FGGY: variants seen among roughly 807,000 people sequenced by gnomAD.
FGGY encodes the protein FGGY carbohydrate kinase domain containing, also known as FGGY carbohydrate kinase domain-containing protein.
Under a neutral mutation model 71.3 loss-of-function variants are expected in FGGY, and 72 were observed. That is an observed-to-expected ratio of 1.01 (90% CI 0.84 to 1.23). The LOEUF is 1.23. Ranked by LOEUF, FGGY falls within the 50% of genes most tolerant of loss-of-function variation. The probability of loss-of-function intolerance (pLI) is 0.00; values close to 1 mark genes in which losing one functional copy is unlikely to be tolerated. For synonymous variants in FGGY, 251 were observed against 250.3 expected (o/e 1.00, Z -0.02); for missense variants, 668 against 682.3 (o/e 0.98, Z 0.23).
intron 2 of FGGY, among the ~76,000 whole-genome samples, chr1:59,328,918 G>A (rs937724730): frequency 2.0e-5 from 3 of 151,898 alleles, no homozygotes; most frequent in Non-Finnish European, 4.4e-5. Context: ...AGTTTGTGGT[G>A]CCCCAAAACA....
intron 14 of FGGY, among the ~76,000 whole-genome samples, chr1:59,716,622 C>G (rs905935795): frequency 2.0e-5 from 3 of 152,120 alleles, no homozygotes; most frequent in Non-Finnish European, 4.4e-5. Flanking sequence ...ATTAGGGAGA[C>G]AAAACCAAAA....
intron 14 of FGGY, among the ~76,000 whole-genome samples, chr1:59,677,061 A>C (rs184412809): frequency 1.2e-4 from 18 of 152,336 alleles, no homozygotes; most frequent in Admixed American, 7.2e-4. Flanking sequence ...CAATATCATT[A>C]GAATGATAAA....
intron 6 of FGGY, among the ~76,000 whole-genome samples, chr1:59,508,692 C>T (rs1202735127): frequency 1.3e-5 from 2 of 152,164 alleles, no homozygotes; most frequent in Non-Finnish European, 2.9e-5. Context: ...AAACAAAGCT[C>T]CTTCCTGCTT....
intron 14 of FGGY, among the ~76,000 whole-genome samples, chr1:59,718,055 TCTTA>T (rs745517429): frequency 2.0e-5 from 3 of 152,278 alleles, no homozygotes; most frequent in Non-Finnish European, 2.9e-5. Flanking sequence ...GAGTCCATGC[TCTTA>T]CTTACTGTCA....
At chr1:59,740,047 A>G (rs2101227395) in intron 14 of FGGY, among the ~76,000 whole-genome samples, 1 of 152,258 alleles carries the variant, frequency 6.6e-6, no homozygotes, top group East Asian at 1.9e-4. Flanking sequence ...CCCTTTCCCT[A>G]CAATTTTGTG....
intron 7 of FGGY, among the ~76,000 whole-genome samples, chr1:59,524,695 T>A (rs2153654266): frequency 6.6e-6 from 1 of 152,272 alleles, no homozygotes; most frequent in East Asian, 1.9e-4. Flanking sequence ...TCCTCTCCAC[T>A]GAGAGCTGGA....
At chr1:59,486,057 A>G (rs1453931623) in intron 6 of FGGY, among the ~76,000 whole-genome samples, 2 of 152,212 alleles carry the variant, frequency 1.3e-5, no homozygotes, top group Non-Finnish European at 2.9e-5. Flanking sequence ...CACATCACTT[A>G]GAGCCCCTGT....
intron 14 of FGGY, among the ~76,000 whole-genome samples, chr1:59,721,912 C>G (rs1324294123): frequency 6.6e-6 from 1 of 152,186 alleles, no homozygotes; most frequent in Non-Finnish European, 1.5e-5. Context: ...CAGCAATATC[C>G]AATAGTGTTT....
At position 59,696,725 on chromosome 1, in the gene FGGY, C is replaced by T. The variant is rs188084593; in HGVS notation, c.1512+22592C>T. Among the ~76,000 whole-genome samples the T allele has an allele frequency of 2.9e-3, 442 of 152,262 alleles. 8 individuals carry two copies. The highest frequency in any genetic ancestry group is 1.4e-3 in the Non-Finnish European group (94 of 68,028). On this transcript the variant is annotated intron_variant, in intron 14 of 15. Transcript: ENST00000303721. ...GCAAGTGCAGGTATTTCTGAAATGACGAGTGGCTCGCAAAAAGGATCTGAT... is the reference window on the plus strand; with the variant it reads ...GCAAGTGCAGGTATTTCTGAAATGATGAGTGGCTCGCAAAAAGGATCTGAT...
chr1:59,755,481 A>G (rs935474714), intron 14 of FGGY: 1 of 152,364 alleles, frequency 6.6e-6, no homozygotes, highest in Middle Eastern at 3.4e-3. Context: ...GTTGGAGCAC[A>G]TAACTCAATA....
intron 14 of FGGY, among the ~76,000 whole-genome samples, chr1:59,704,861 A>G (rs778065503): frequency 3.9e-5 from 6 of 152,338 alleles, no homozygotes; most frequent in East Asian, 1.9e-4. Flanking sequence ...TGTGGCCAAA[A>G]TGTCCTCCAA....
chr1:59,463,009 G>T (rs555710076), intron 6 of FGGY, among the ~76,000 whole-genome samples: 3 of 152,056 alleles, frequency 2.0e-5, no homozygotes, highest in African/African-American at 7.3e-5. Context: ...ACATGCACAC[G>T]TATGTTTATT....
chr1:59,561,115 C>A (rs1420325569), intron 8 of FGGY, among the ~76,000 whole-genome samples: 1 of 152,176 alleles, frequency 6.6e-6, no homozygotes, highest in East Asian at 1.9e-4. Flanking sequence ...GAAGAGTGGG[C>A]AAGTGGGACC....
intron 1 of FGGY, 81 bp from the exon 2 acceptor site, chr1:59,321,455 A>G: frequency 1.5e-6 from 2 of 1,316,434 alleles, no homozygotes; most frequent in South Asian, 1.3e-5. Flanking sequence ...TACCTCTTTT[A>G]TTTCTACTTT....
At chr1:59,340,157 T>A (rs1475526992) in intron 3 of FGGY, 88 bp downstream of exon 3, 1 of 827,806 alleles carries the variant, frequency 1.2e-6, no homozygotes, top group Non-Finnish European at 1.9e-6. Flanking sequence ...GGCAGGCGTC[T>A]CTTGCTGCTG....
At chr1:59,333,366 G>A (rs1413084883) in intron 2 of FGGY, among the ~76,000 whole-genome samples, 1 of 152,198 alleles carries the variant, frequency 6.6e-6, no homozygotes, top group Non-Finnish European at 1.5e-5. Flanking sequence ...CAACTAATTT[G>A]CTCTAATATA....
At chr1:59,305,541 C>T (rs970761827) in intron 1 of FGGY, among the ~76,000 whole-genome samples, 1 of 152,118 alleles carries the variant, frequency 6.6e-6, no homozygotes, top group African/African-American at 2.4e-5. Context: ...CCTTGTCTAG[C>T]TTTAGTTTAA....
At chr1:59,305,344 A>C (rs902048358) in intron 1 of FGGY, among the ~76,000 whole-genome samples, 1 of 152,116 alleles carries the variant, frequency 6.6e-6, no homozygotes, top group Admixed American at 6.5e-5. Flanking sequence ...CTGTGAATGT[A>C]GTGTATCACA....
At chr1:59,615,972 G>A (rs2096748407) in intron 9 of FGGY, among the ~76,000 whole-genome samples, 1 of 152,110 alleles carries the variant, frequency 6.6e-6, no homozygotes, top group Non-Finnish European at 1.5e-5. Flanking sequence ...ACTTAGAATG[G>A]CAATCATTAA....
Sources: gnomAD v4.1 joint callset for allele counts (sites outside exome capture counted in the v4.1 genomes callset) on GRCh38, gnomAD v4.1.1 for gene constraint, MANE v1.5 for transcripts, NCBI Gene and HGNC (gene_info 2026-07-23, HGNC 2026-07-21) for gene names.